The following MLXIPL variants were observed in gnomAD, a reference collection of about 807,000 sequenced individuals.
MLXIPL encodes carbohydrate-responsive element-binding protein.
In MLXIPL, 49 loss-of-function variants were observed where a neutral mutation model predicts 81.5. The observed-to-expected ratio is 0.60, with a 90% CI of 0.48 to 0.76. The LOEUF is 0.76. Among genes scored for constraint, MLXIPL ranks in the 30% least tolerant of loss-of-function variants. The pLI is 0.00. For missense variants in MLXIPL, 1,053 were observed against 1,167.0 expected, an observed-to-expected ratio of 0.90 and a Z score of 1.42; for synonymous variants, 466 against 485.5, an observed-to-expected ratio of 0.96 and a Z score of 0.53.
chr7:73,629,231 G>A (rs151257695), upstream of MLXIPL, among the ~76,000 whole-genome samples: 9,044 of 151,894 alleles, frequency 0.06, 365 homozygotes, highest in Admixed American at 0.094. Context: ...TTGTAGAGAC[G>A]GGGTTTCACC....
At chr7:73,613,639 C>G (rs1248759769) in intron 2 of MLXIPL, among the ~76,000 whole-genome samples, 2 of 152,112 alleles carry the variant, frequency 1.3e-5, no homozygotes, top group African/African-American at 4.8e-5. Flanking sequence ...CCTGTCATTC[C>G]CATTTTCACA....
chr7:73,634,217 T>C, the MLXIPL span, among the ~76,000 whole-genome samples: 1 of 152,226 alleles, frequency 6.6e-6, no homozygotes, highest in African/African-American at 2.4e-5. Flanking sequence ...ATATCAGAAG[T>C]ACCCCAATTG....
intron 2 of MLXIPL, among the ~76,000 whole-genome samples, chr7:73,615,172 C>A (rs989829807): frequency 6.6e-6 from 1 of 152,086 alleles, no homozygotes; most frequent in Non-Finnish European, 1.5e-5. Flanking sequence ...ACACAGCCAG[C>A]AAGGGGCAGA....
chr7:73,598,749 C>G (rs562683812), intron 8 of MLXIPL, among the ~76,000 whole-genome samples: 1 of 151,962 alleles, frequency 6.6e-6, no homozygotes. Flanking sequence ...CCTCAGCAAC[C>G]GATTAGAATT....
At chr7:73,603,130 C>A (rs1410317041) in intron 7 of MLXIPL, among the ~76,000 whole-genome samples, 7 of 152,184 alleles carry the variant, frequency 4.6e-5, no homozygotes, top group Non-Finnish European at 8.8e-5. Flanking sequence ...GAGTTCTGGT[C>A]CCCTCCCTGG....
At chr7:73,599,724 A>C in intron 7 of MLXIPL, 29 bp from the exon 8 acceptor site, 1 of 1,590,558 alleles carries the variant, frequency 6.3e-7, no homozygotes, top group Non-Finnish European at 8.6e-7. Flanking sequence ...GGGCAACAGC[A>C]GTTAGGGCCA....
rs1353327551 is a variant in MLXIPL, at chr7:73,593,382, G to C, written c.*483C>G. ...CCTGCAGCCCCTCTGGGTCAGCAGT[G>C]AAGGAGCAGAGAGAGGGAACCTCCT... On this transcript the variant is annotated 3_prime_UTR_variant, in exon 17 of 17. Coordinates refer to ENST00000313375, the MANE Select transcript of MLXIPL (RefSeq NM_032951.3). 1.2e-5 allele frequency: 3 copies of C among 240,786 alleles called. No homozygotes were observed. Among genetic ancestry groups the C allele is most frequent in the Non-Finnish European group, 2.5e-5 (3 of 120,732 alleles). 14.9% of individuals were successfully genotyped at this position (240,786 alleles called of 1,614,324 possible). A position where few individuals can be genotyped will look rare whatever the true frequency, so the allele number is the denominator to read the frequency against.
the MLXIPL span, among the ~76,000 whole-genome samples, chr7:73,630,884 A>G: frequency 6.6e-6 from 1 of 152,258 alleles, no homozygotes; most frequent in Admixed American, 6.5e-5. Flanking sequence ...GTGTGCACAC[A>G]TGTGCACCAA....
intron 1 of MLXIPL, among the ~76,000 whole-genome samples, chr7:73,622,517 T>TG (rs1329591218): frequency 6.6e-6 from 1 of 151,714 alleles, no homozygotes; most frequent in East Asian, 1.9e-4. Flanking sequence ...TTTTTTTTTT[T>TG]GGTAGAGACA....
At chr7:73,622,485 G>A (rs1420258583) in intron 1 of MLXIPL, among the ~76,000 whole-genome samples, 2 of 147,440 alleles carry the variant, frequency 1.4e-5, no homozygotes, top group East Asian at 2.0e-4. Flanking sequence ...GCAAAACTCT[G>A]TCTCAAAAAA....
At chr7:73,645,209 C>T in the MLXIPL span, among the ~76,000 whole-genome samples, 1 of 152,064 alleles carries the variant, frequency 6.6e-6, no homozygotes, top group African/African-American at 2.4e-5. Flanking sequence ...TAATTTGTTG[C>T]AGAGACACAG....
chr7:73,594,061 TA>T (rs1189902892), intron 16 of MLXIPL, 78 bp from the exon 17 acceptor site: 29 of 1,413,722 alleles, frequency 2.1e-5, no homozygotes, highest in African/African-American at 2.8e-5. Context: ...ACCAAAGGGA[TA>T]GGGGGAGGTA....
At chr7:73,639,748 T>C in the MLXIPL span, among the ~76,000 whole-genome samples, 3 of 152,194 alleles carry the variant, frequency 2.0e-5, no homozygotes, top group South Asian at 2.1e-4. Flanking sequence ...ATAACTAAGA[T>C]GCAATGCTAA....
upstream of MLXIPL, among the ~76,000 whole-genome samples, chr7:73,628,883 A>C (rs1487431241): frequency 6.6e-6 from 1 of 151,982 alleles, no homozygotes; most frequent in Non-Finnish European, 1.5e-5. Context: ...ATCCCACCTG[A>C]TGTCACATCC....
intron 1 of MLXIPL, among the ~76,000 whole-genome samples, chr7:73,617,208 G>A (rs1171296627): frequency 5.9e-5 from 9 of 152,080 alleles, no homozygotes; most frequent in African/African-American, 1.4e-4. Context: ...TAGTAAAGAC[G>A]GGGTTTCACC....
intron 7 of MLXIPL, among the ~76,000 whole-genome samples, chr7:73,605,247 C>CA (rs1293471840): frequency 2.6e-5 from 4 of 152,018 alleles, no homozygotes; most frequent in Non-Finnish European, 4.4e-5. Context: ...AAAAGGAGAC[C>CA]AGGAAGAACC....
intron 1 of MLXIPL, among the ~76,000 whole-genome samples, chr7:73,620,016 C>T (rs1675168437): frequency 1.3e-5 from 2 of 151,810 alleles, no homozygotes; most frequent in Non-Finnish European, 2.9e-5. Context: ...GGGCCTGTAA[C>T]CTAAGCACTT....
chr7:73,635,363 G>A, the MLXIPL span, among the ~76,000 whole-genome samples: 24 of 151,970 alleles, frequency 1.6e-4, no homozygotes, highest in Admixed American at 1.5e-3. Context: ...CTAGTCATCC[G>A]TCCAGCCATC....
chr7:73,607,443 G>T, intron 3 of MLXIPL, 23 bp from the exon 4 acceptor site: 1 of 1,544,870 alleles, frequency 6.5e-7, no homozygotes, highest in Non-Finnish European at 8.8e-7. Flanking sequence ...CCGGGGGAGG[G>T]GGATCAGTAG....
Sources: gnomAD v4.1 joint callset for allele counts (sites outside exome capture counted in the v4.1 genomes callset) on GRCh38, gnomAD v4.1.1 for gene constraint, MANE v1.5 for transcripts, NCBI Gene and HGNC (gene_info 2026-07-23, HGNC 2026-07-21) for gene names.